ADAM17: variants seen among roughly 807,000 people sequenced by gnomAD.
ADAM17 encodes disintegrin and metalloproteinase domain-containing protein 17.
ADAM17 carries 39 observed loss-of-function variants against 96.7 expected under a neutral mutation model. The observed-to-expected ratio is 0.40, with a 90% CI of 0.31 to 0.53. The LOEUF is 0.53. ADAM17 is among the 20% of genes least tolerant of loss of function. ADAM17 has a pLI of 0.44. For synonymous variants in ADAM17, 344 were observed against 359.2 expected (o/e 0.96, Z 0.48); for missense variants, 777 against 1,013.2 (o/e 0.77, Z 3.17).
chr2:9,500,485 T>C (rs1662933290), intron 13 of ADAM17, among the ~76,000 whole-genome samples: 1 of 152,230 alleles, frequency 6.6e-6, no homozygotes, highest in African/African-American at 2.4e-5. Context: ...TTAATTGTGA[T>C]GACTGCATAA....
At chr2:9,509,857 G>T in intron 11 of ADAM17, 122 bp downstream of exon 11, 1 of 1,280,382 alleles carries the variant, frequency 7.8e-7, no homozygotes, top group Non-Finnish European at 1.1e-6. Context: ...AAGGTACTTT[G>T]TAATTTGCAC....
rs780040821 is a variant in ADAM17 at position 9,555,535 on chromosome 2, G to A, written c.71C>T (p.Pro24Leu). The A allele has an allele frequency of 1.2e-5, 20 of 1,602,204 alleles. No homozygotes were observed. Among genetic ancestry groups the A allele is most frequent in the Non-Finnish European group, 1.4e-5 (16 of 1,174,352 alleles). Residue 24 changes from proline (P) to leucine (L), a missense_variant, in exon 1 of 19, where the codon CCG becomes CTG. By Grantham distance (98) the Pro-to-Leu change is moderately conservative (BLOSUM62 -3). Coordinates refer to ENST00000310823, the MANE Select transcript of ADAM17 (RefSeq NM_003183.6). ...FVLAPRPPDD[P>L]GFGPHQRLEK... Reference sequence around the variant, plus strand: ...GAGTCTCTGGTGGGGGCCGAAGCCCGGGTCATCCGGAGGTCGCGGCGCCAG... The same window carrying A: ...GAGTCTCTGGTGGGGGCCGAAGCCCAGGTCATCCGGAGGTCGCGGCGCCAG...
chr2:9,523,817 T>C (rs1183510145), intron 6 of ADAM17, among the ~76,000 whole-genome samples: 1 of 152,098 alleles, frequency 6.6e-6, no homozygotes, highest in Non-Finnish European at 1.5e-5. Flanking sequence ...ATGAAGACCA[T>C]TATGATGATC....
At chr2:9,519,349 G>A (rs774978680) in intron 8 of ADAM17, among the ~76,000 whole-genome samples, 2 of 152,168 alleles carry the variant, frequency 1.3e-5, no homozygotes, top group South Asian at 4.1e-4. Flanking sequence ...GAAAACTGGA[G>A]AGGACCATCT....
At chr2:9,526,420 CAT>C (rs1484792595) in intron 5 of ADAM17, among the ~76,000 whole-genome samples, 176 bp from the exon 6 acceptor site, 8 of 152,266 alleles carry the variant, frequency 5.3e-5, no homozygotes, top group African/African-American at 1.9e-4. Flanking sequence ...TGAAAAGTAA[CAT>C]AAAGTTAAAA....
At chr2:9,502,349 C>G in intron 12 of ADAM17, 73 bp from the exon 13 acceptor site, 1 of 1,313,372 alleles carries the variant, frequency 7.6e-7, no homozygotes, top group Non-Finnish European at 1.1e-6. Flanking sequence ...GCTACAGTTA[C>G]GTTACAGTGA....
At chr2:9,532,516 G>C (rs182224148) in intron 4 of ADAM17, among the ~76,000 whole-genome samples, 2 of 152,310 alleles carry the variant, frequency 1.3e-5, no homozygotes, top group Admixed American at 1.3e-4. Context: ...CTGTCACCCA[G>C]GCTGGAGTGC....
intron 10 of ADAM17, among the ~76,000 whole-genome samples, chr2:9,514,518 A>AATAAATAT (rs1300782665): frequency 5.6e-5 from 5 of 89,858 alleles, no homozygotes; most frequent in South Asian, 4.7e-4. Context: ...TTAAAATATA[A>AATAAATAT]ATATATATAT....
chr2:9,492,401 C>CT (rs1662230817), intron 17 of ADAM17, among the ~76,000 whole-genome samples: 1 of 152,212 alleles, frequency 6.6e-6, no homozygotes, highest in Non-Finnish European at 1.5e-5. Flanking sequence ...ACTGCTTACT[C>CT]TTATTTTTTG....
intron 11 of ADAM17, among the ~76,000 whole-genome samples, chr2:9,509,294 C>T (rs1663594896): frequency 6.6e-6 from 1 of 152,142 alleles, no homozygotes; most frequent in South Asian, 2.1e-4. Flanking sequence ...ATGAAAGAAC[C>T]AGATATTTAT....
intron 11 of ADAM17, among the ~76,000 whole-genome samples, chr2:9,507,743 A>C (rs1366968442): frequency 6.6e-6 from 1 of 151,942 alleles, no homozygotes; most frequent in Non-Finnish European, 1.5e-5. Context: ...TTTTTGAGAT[A>C]AAGTCTCACT....
intron 4 of ADAM17, among the ~76,000 whole-genome samples, chr2:9,528,947 T>C (rs908818550): frequency 1.3e-5 from 2 of 152,174 alleles, no homozygotes; most frequent in Non-Finnish European, 2.9e-5. Flanking sequence ...CTGCTCCTAG[T>C]ATATAACCAA....
chr2:9,555,071 C>T (rs1047856808), intron 1 of ADAM17, among the ~76,000 whole-genome samples: 4 of 152,106 alleles, frequency 2.6e-5, no homozygotes, highest in Non-Finnish European at 4.4e-5. Flanking sequence ...TAGTTCCCTC[C>T]TTCGAGGACC....
At chr2:9,546,225 G>C (rs896159350) in intron 1 of ADAM17, among the ~76,000 whole-genome samples, 1 of 151,956 alleles carries the variant, frequency 6.6e-6, no homozygotes, top group Non-Finnish European at 1.5e-5. Context: ...ATAAGCACAA[G>C]ACAGTAACAT....
chr2:9,519,349 G>C (rs774978680), intron 8 of ADAM17, among the ~76,000 whole-genome samples: 25 of 152,286 alleles, frequency 1.6e-4, no homozygotes, highest in Non-Finnish European at 3.2e-4. Flanking sequence ...GAAAACTGGA[G>C]AGGACCATCT....
chr2:9,534,198 G>A (rs1457133976), intron 4 of ADAM17, among the ~76,000 whole-genome samples: 3 of 152,058 alleles, frequency 2.0e-5, no homozygotes, highest in Non-Finnish European at 4.4e-5. Context: ...GTGAAACCCC[G>A]TCTCTACTAA....
At chr2:9,555,101 T>C (rs1172079203) in intron 1 of ADAM17, among the ~76,000 whole-genome samples, 1 of 152,084 alleles carries the variant, frequency 6.6e-6, no homozygotes, top group African/African-American at 2.4e-5. Context: ...TCTGGAGCTT[T>C]GGGCCCTTCC....
At chr2:9,493,969 G>A (rs981606244) in intron 15 of ADAM17, 144 bp from the exon 16 acceptor site, 11 of 616,834 alleles carry the variant, frequency 1.8e-5, no homozygotes, top group Admixed American at 1.3e-4. Context: ...AATAACTTCC[G>A]CGTAATGAGT....
Position 9,491,119 on chromosome 2 carries a change from CAG to C in ADAM17, c.2113_2114del (p.Leu705ValfsTer7), listed in dbSNP as rs767985722. 37 of 1,613,086 alleles carry C rather than the reference CAG, an allele frequency of 2.3e-5. No homozygotes were observed. The highest frequency in any genetic ancestry group is 1.1e-5 in the Non-Finnish European group (13 of 1,179,372). ...DKKLDKQYESLSLFHPSNVEM... is the reference protein window; with the variant it reads ...DKKLDKQYESXSLFHPSNVEM... ...TACTTACACTGGGGTGAAACAGAGA[CAG>C]AGATTCATACTGTTTATCCAATTTC... On this transcript the variant is annotated frameshift_variant, in exon 18 of 19. Transcript: ENST00000310823. LOFTEE classifies it low-confidence loss of function (END_TRUNC).
Sources: gnomAD v4.1 joint callset for allele counts (sites outside exome capture counted in the v4.1 genomes callset) on GRCh38, gnomAD v4.1.1 for gene constraint, MANE v1.5 for transcripts, NCBI Gene and HGNC (gene_info 2026-07-23, HGNC 2026-07-21) for gene names.